Variants in NRL observed in about 807,000 individuals in gnomAD.
NRL encodes neural retina-specific leucine zipper protein.
Under a neutral mutation model 12.5 loss-of-function variants are expected in NRL, and 16 were observed. The observed-to-expected ratio is 1.28, with a 90% confidence interval of 0.87 to 1.95. NRL has a LOEUF of 1.95. Among genes scored for constraint, NRL ranks in the 30% most tolerant of loss-of-function variants. The probability of loss-of-function intolerance (pLI) is 0.00; values close to 1 mark genes in which losing one functional copy is unlikely to be tolerated. For synonymous variants in NRL, 142 were observed against 150.9 expected (o/e 0.94, Z 0.43); for missense variants, 314 against 325.8 (o/e 0.96, Z 0.28).
At position 24,081,096 on chromosome 14, in the gene NRL, T is replaced by G; in HGVS notation, c.*140A>C. On this transcript the variant is annotated 3_prime_UTR_variant, in exon 3 of 3. Coordinates refer to ENST00000561028, the MANE Select transcript of NRL (RefSeq NM_001354768.3). This position sits in a 1 kb window ranked among gnomAD's most constrained non-coding sequence, Gnocchi z 4.4. ...GGCATGACTTGAGGACCCAAAAGCT[T>G]TGGGGATATTTGCGCGGTCATACAG... 8.1e-6 allele frequency: 4 copies of G among 496,274 alleles called. No individual in the cohort carries two copies. The highest frequency in any genetic ancestry group is 2.0e-5 in the African/African-American group (1 of 49,870). The allele number at this position is 496,274 out of a possible 1,614,324, so 30.7% of individuals were successfully genotyped here.
intron 1 of NRL, among the ~76,000 whole-genome samples, chr14:24,092,017 G>A (rs950211663): frequency 7.9e-5 from 12 of 152,294 alleles, no homozygotes; most frequent in East Asian, 1.9e-4. Flanking sequence ...TAGGGTGACC[G>A]AGCAAATGAC....
At position 24,081,258 on chromosome 14, in the gene NRL, TC is replaced by T. The variant is rs1291891665; in HGVS notation, c.691del (p.Asp231ThrfsTer87). On this transcript the variant is annotated frameshift_variant, in exon 3 of 3. Transcript: ENST00000561028. LOFTEE classifies it high-confidence loss of function. The surrounding 1 kb of genome is among the most constrained non-coding windows in gnomAD (Gnocchi z 4.4). ...GGCTCAGAGGAAGAGGTGGGAGGGG[TC>T]CCCGGACCCGGGGCCGCTCGAGGTT... Reference protein sequence around the residue: ...RLTSSGPGSGDPSHLFL With the variant: ...RLTSSGPGSGXPSHLFL The T allele has an allele frequency of 4.7e-6, 7 of 1,503,952 alleles. No homozygotes were observed. The highest frequency in any genetic ancestry group is 5.3e-6 in the Non-Finnish European group (6 of 1,124,962). 93.2% of individuals were successfully genotyped at this position (1,503,952 alleles called of 1,614,324 possible).
chr14:24,100,269 G>GGCGACCACC, intron 1 of NRL: 1 of 1,592,452 alleles, frequency 6.3e-7, no homozygotes, highest in Non-Finnish European at 8.5e-7. Context: ...CCTTAATGGT[G>GGCGACCACC]GAAAAGCTTT....
At chr14:24,095,614 G>A (rs2036836072) in intron 1 of NRL, among the ~76,000 whole-genome samples, 1 of 152,054 alleles carries the variant, frequency 6.6e-6, no homozygotes. Flanking sequence ...GAAGAGCCAG[G>A]GGAAGCACGG....
intron 1 of NRL, chr14:24,095,459 C>T: frequency 2.9e-6 from 1 of 340,264 alleles, no homozygotes; most frequent in Non-Finnish European, 5.9e-6. Context: ...CCAGCTTCTA[C>T]CCCAGACAGA....
chr14:24,100,323 G>C, intron 1 of NRL: 1 of 1,515,046 alleles, frequency 6.6e-7, no homozygotes, highest in Non-Finnish European at 8.8e-7. Context: ...AGGAGGCACA[G>C]AAGTCATGAA....
intron 1 of NRL, chr14:24,098,206 G>A (rs770169595): frequency 6.3e-6 from 10 of 1,593,666 alleles, no homozygotes; most frequent in Non-Finnish European, 6.9e-6. Context: ...CCCCCAGCTG[G>A]CTGGCCCGCA....
rs569853409 is a variant in NRL, at chr14:24,105,458, G to A, written c.-28+9264C>T. Reference sequence around the variant, plus strand: ...CTAAGCACATACCTAACAACCCTTTGGGGGAATTACCATTTTACAGATGAA... The same window carrying A: ...CTAAGCACATACCTAACAACCCTTTAGGGGAATTACCATTTTACAGATGAA... On this transcript the variant is annotated intron_variant, in intron 1 of 2. Transcript: ENST00000561028. 4.6e-5 allele frequency among the ~76,000 whole-genome samples: 7 copies of A among 152,352 alleles called. No individual in the cohort carries two copies. The East Asian group carries it at 1.3e-3, about 29-fold the overall frequency.
At chr14:24,082,066 G>A in intron 2 of NRL, 2 of 1,203,354 alleles carry the variant, frequency 1.7e-6, no homozygotes, top group Non-Finnish European at 2.1e-6. Context: ...GAGAAGGTTG[G>A]GGGCTGGGAA....
At chr14:24,113,156 A>C (rs1387990887) in intron 1 of NRL, among the ~76,000 whole-genome samples, 1 of 89,532 alleles carries the variant, frequency 1.1e-5, no homozygotes, top group African/African-American at 4.5e-5. Context: ...GCATATTCTC[A>C]CTCATAGGTG....
At chr14:24,111,134 C>T (rs2037411545) in intron 1 of NRL, among the ~76,000 whole-genome samples, 1 of 152,128 alleles carries the variant, frequency 6.6e-6, no homozygotes, top group African/African-American at 2.4e-5. Flanking sequence ...GCACGCGCCA[C>T]GATGGCCGGC....
chr14:24,099,933 T>C, intron 1 of NRL: 2 of 1,613,882 alleles, frequency 1.2e-6, no homozygotes, highest in Non-Finnish European at 1.7e-6. Context: ...CAGGACCTTC[T>C]TTGGTCTTAC....
chr14:24,104,812 C>T (rs1375165903), intron 1 of NRL, among the ~76,000 whole-genome samples: 1 of 152,182 alleles, frequency 6.6e-6, no homozygotes, highest in Non-Finnish European at 1.5e-5. Flanking sequence ...ATTTGTTCTT[C>T]CCCCTGCCTG....
At position 24,099,597 on chromosome 14, in the gene NRL, G is replaced by A. The variant is rs763992590; in HGVS notation, c.-28+15125C>T. ...CAGCCCTGCAGGGAAGAAGCGCTAT[G>A]TGGCAGCCGCCTTCCCTAGTGCCTG... On this transcript the variant is annotated intron_variant, in intron 1 of 2. Transcript: ENST00000561028. The A allele has an allele frequency of 2.5e-6, 4 of 1,611,790 alleles. No homozygotes were observed. Among genetic ancestry groups the A allele is most frequent in the Non-Finnish European group, 3.4e-6 (4 of 1,178,744 alleles).
intron 1 of NRL, chr14:24,095,154 G>C: frequency 2.2e-6 from 1 of 456,104 alleles, no homozygotes; most frequent in Non-Finnish European, 4.4e-6. Context: ...TTTTGTCCCA[G>C]AGTCGGAAGT....
At chr14:24,084,516 T>G in intron 1 of NRL, 1 of 985,068 alleles carries the variant, frequency 1.0e-6, no homozygotes, top group Non-Finnish European at 1.2e-6. Flanking sequence ...CTGGATATAC[T>G]CACTTCAGAA....
chr14:24,109,730 A>C (rs533854965), intron 1 of NRL, among the ~76,000 whole-genome samples: 1 of 152,192 alleles, frequency 6.6e-6, no homozygotes, highest in South Asian at 2.1e-4. Flanking sequence ...TTATACGCAA[A>C]AAAATTAATC....
chr14:24,097,658 G>C (rs924792811), intron 1 of NRL, among the ~76,000 whole-genome samples: 34 of 150,586 alleles, frequency 2.3e-4, no homozygotes, highest in Non-Finnish European at 4.3e-4. Context: ...CATGATTTCA[G>C]CTCACAACAA....
Position 24,102,947 on chromosome 14 carries a change from C to T in NRL, c.-28+11775G>A, listed in dbSNP as rs1188351427. ...AAAAGGGCTATCTCTGTATTAGGGC[C>T]TACCTCCCTCCCTCTGATCCAGAGC... On this transcript the variant is annotated intron_variant, in intron 1 of 2. Coordinates refer to ENST00000561028, the MANE Select transcript of NRL (RefSeq NM_001354768.3). 3 of 1,520,158 alleles carry T rather than the reference C, an allele frequency of 2.0e-6. No individual in the cohort carries two copies. The African/African-American group carries it at 4.1e-5, about 21-fold the overall frequency. 94.2% of individuals were successfully genotyped at this position (1,520,158 alleles called of 1,614,324 possible).
Sources: gnomAD v4.1 joint callset for allele counts (sites outside exome capture counted in the v4.1 genomes callset) on GRCh38, gnomAD v4.1.1 for gene constraint, Gnocchi (gnomAD v3.1) non-coding constraint, MANE v1.5 for transcripts, NCBI Gene and HGNC (gene_info 2026-07-23, HGNC 2026-07-21) for gene names.